Variants in EHMT2 observed in about 807,000 individuals in gnomAD.
The protein encoded by EHMT2 is histone-lysine N-methyltransferase EHMT2.
In EHMT2, 59 loss-of-function variants were observed where a neutral mutation model predicts 143.3. The observed-to-expected ratio is 0.41, with a 90% CI of 0.33 to 0.51. The LOEUF (loss-of-function observed/expected upper bound fraction) is 0.51. Among genes scored for constraint, EHMT2 ranks in the 20% least tolerant of loss-of-function variants. EHMT2 has a pLI of 0.18. For missense variants in EHMT2, 1,174 were observed against 1,645.9 expected, an observed-to-expected ratio of 0.71 and a Z score of 4.96; for synonymous variants, 604 against 651.5, an observed-to-expected ratio of 0.93 and a Z score of 1.11.
At position 31,880,095 on chromosome 6, in the gene EHMT2, C is replaced by T; in HGVS notation, c.3622G>A (p.Val1208Ile). Residue 1208 changes from valine (V) to isoleucine (I), a missense_variant, in exon 28 of 28, where the codon GTC becomes ATC. Around this residue, in one of 6 missense-constraint regions of EHMT2, gnomAD observed 42 missense variants for 45.1 expected, o/e 0.93. Transcript: ENST00000375537. This position sits in a 1 kb window ranked among gnomAD's most constrained non-coding sequence, Gnocchi z 6.6. ...GGTGTGGTCCGTTCTCATGTGTTGACAGGGGGCAGGGAGCCGAGCTCGGGC... is the reference window on the plus strand; with the variant it reads ...GGTGTGGTCCGTTCTCATGTGTTGATAGGGGGCAGGGAGCCGAGCTCGGGC... 6.2e-7 allele frequency: 1 copy of T among 1,612,542 alleles called. No individual in the cohort carries two copies. Among genetic ancestry groups the T allele is most frequent in the Non-Finnish European group, 8.5e-7 (1 of 1,179,914 alleles).
chr6:31,892,608 T>C, intron 6 of EHMT2, 46 bp from the exon 7 acceptor site: 1 of 1,612,436 alleles, frequency 6.2e-7, no homozygotes. Context: ...CCCTGCGCAT[T>C]TCTACTGAGG....
Position 31,883,119 on chromosome 6 carries a change from C to A in EHMT2, c.2995-110G>T, listed in dbSNP as rs1448965660. 2 of 1,051,672 alleles carry A rather than the reference C, an allele frequency of 1.9e-6. No homozygotes were observed. Among genetic ancestry groups the A allele is most frequent in the Admixed American group, 2.0e-5 (1 of 49,182 alleles). 65.1% of individuals were successfully genotyped at this position (1,051,672 alleles called of 1,614,324 possible). A position where few individuals can be genotyped will look rare whatever the true frequency, so the allele number is the denominator to read the frequency against. ...AGGGAAGTTGGGGTTGGGGAGGTCA[C>A]ACAGGCTCTGAGATCCGAGAGCACG... On this transcript the variant is annotated intron_variant, in intron 23 of 27. Coordinates refer to ENST00000375537, the Ensembl canonical transcript of EHMT2. This position sits in a 1 kb window ranked among gnomAD's most constrained non-coding sequence, Gnocchi z 5.6.
rs1471511877 is a variant in EHMT2 at position 31,882,684 on chromosome 6, C to T, written c.3197+15G>A. On this transcript the variant is annotated intron_variant, in intron 25 of 27. Transcript: ENST00000375537. The stretch of plus-strand genomic sequence containing the variant: ...CCCCTTCCCACCAGGTGTTAAGGTG[C>T]TCCCGGTGACTTACTCGCAGATGAA... The T allele has an allele frequency of 9.9e-6, 16 of 1,610,134 alleles. No homozygotes were observed. Among genetic ancestry groups the T allele is most frequent in the Non-Finnish European group, 1.4e-5 (16 of 1,179,062 alleles).
chr6:31,889,135 A>G lies in EHMT2; in HGVS notation c.1115-65T>C. 6.5e-7 allele frequency: 1 copy of G among 1,540,616 alleles called. No homozygotes were observed. Among genetic ancestry groups the G allele is most frequent in the Non-Finnish European group, 8.8e-7 (1 of 1,131,116 alleles). ...GGTGCCTGGACGCGTGGGTACATGC[A>G]GGTGGACATGCGAGAGCGTGTGTGT... is the stretch of plus-strand genomic sequence containing the variant. On this transcript the variant is annotated intron_variant, in intron 9 of 27. Coordinates refer to ENST00000375537, the Ensembl canonical transcript of EHMT2. The surrounding 1 kb of genome is among the most constrained non-coding windows in gnomAD (Gnocchi z 5.1).
chr6:31,879,998 C>T (rs992828413), exon 28 of EHMT2: 2 of 1,471,044 alleles, frequency 1.4e-6, no homozygotes, highest in Non-Finnish European at 9.3e-7. Context: ...GGCAGCACCC[C>T]CAGGCATGGG....
In EHMT2 at chr6:31,889,351, G is replaced by A. The variant is rs759316536; in HGVS notation, c.1000-9C>T. ...CGGCCACTGGAACCACTCTGGGAAGGGGGAGGAGGAGGAGTTAGGAACCCT... is the reference window on the plus strand; with the variant it reads ...CGGCCACTGGAACCACTCTGGGAAGAGGGAGGAGGAGGAGTTAGGAACCCT... On this transcript the variant is annotated splice_polypyrimidine_tract_variant and intron_variant, in intron 8 of 27. Coordinates refer to ENST00000375537, the Ensembl canonical transcript of EHMT2. This position sits in a 1 kb window ranked among gnomAD's most constrained non-coding sequence, Gnocchi z 5.1. The A allele has an allele frequency of 1.2e-6, 2 of 1,611,446 alleles. No individual in the cohort carries two copies. Among genetic ancestry groups the A allele is most frequent in the African/African-American group, 1.3e-5 (1 of 74,868 alleles).
intron 1 of EHMT2, 187 bp from the exon 2 acceptor site, chr6:31,897,176 C>T (rs1413550092): frequency 7.6e-6 from 10 of 1,317,306 alleles, no homozygotes; most frequent in Non-Finnish European, 8.8e-6. Flanking sequence ...CCCGCATCAA[C>T]CCCCTCCCTC....
intron 1 of EHMT2, chr6:31,897,249 C>T (rs981115342): frequency 1.9e-6 from 2 of 1,073,658 alleles, no homozygotes; most frequent in African/African-American, 3.3e-5. Context: ...GGCCTCCGCG[C>T]CCCGGCCCCG....
In EHMT2 at chr6:31,892,240, T is replaced by TC. The variant is rs1252728485; in HGVS notation, c.864+166dup. Among the ~76,000 whole-genome samples the TC allele has an allele frequency of 3.3e-5, 5 of 150,970 alleles. 1 individual carries two copies. The East Asian group carries it at 5.8e-4, about 18-fold the overall frequency. Reference sequence around the variant, plus strand: ...CTGGGCGACAGAATGAGATTCCGTCTCCCCCCACAAAAAAAAGGAGTTATA... The same window carrying TC: ...CTGGGCGACAGAATGAGATTCCGTCTCCCCCCCACAAAAAAAAGGAGTTATA... On this transcript the variant is annotated intron_variant, in intron 7 of 27. Coordinates refer to ENST00000375537, the Ensembl canonical transcript of EHMT2.
rs1029839925 is a variant in EHMT2, at chr6:31,881,975, C to T, written c.3197+724G>A. Among the ~76,000 whole-genome samples the T allele has an allele frequency of 2.0e-5, 3 of 151,888 alleles. No individual in the cohort carries two copies. Among genetic ancestry groups the T allele is most frequent in the South Asian group, 2.1e-4 (1 of 4,808 alleles). On this transcript the variant is annotated intron_variant, in intron 25 of 27. Coordinates refer to ENST00000375537, the Ensembl canonical transcript of EHMT2. This position sits in a 1 kb window ranked among gnomAD's most constrained non-coding sequence, Gnocchi z 4.8. ...AAAAAATTAGCCGGGTGTGGTGGTG[C>T]GCACCTGTAATCCCAGCTACTTGGG...
At chr6:31,897,237 G>T in intron 1 of EHMT2, 1 of 1,193,724 alleles carries the variant, frequency 8.4e-7, no homozygotes, top group East Asian at 3.2e-5. Context: ...GGGAGGGGGC[G>T]GGGCCTCCGC....
At position 31,886,758 on chromosome 6, in the gene EHMT2, G is replaced by A; in HGVS notation, c.2241+17C>T. 1 of 1,614,140 alleles carries A rather than the reference G, an allele frequency of 6.2e-7. No individual in the cohort carries two copies. The highest frequency in any genetic ancestry group is 8.5e-7 in the Non-Finnish European group (1 of 1,179,990). On this transcript the variant is annotated intron_variant, in intron 17 of 27. Transcript: ENST00000375537. ...TCCCTGACTCCGGGGGCCACGCCCTGCTGCCTGCGCGCACACCTTGCTATA... is the reference window on the plus strand; with the variant it reads ...TCCCTGACTCCGGGGGCCACGCCCTACTGCCTGCGCGCACACCTTGCTATA...
Position 31,883,543 on chromosome 6 carries a change from A to T in EHMT2, c.2917-104T>A. On this transcript the variant is annotated intron_variant, in intron 22 of 27. Coordinates refer to ENST00000375537, the Ensembl canonical transcript of EHMT2. The surrounding 1 kb of genome is among the most constrained non-coding windows in gnomAD (Gnocchi z 5.6). The stretch of plus-strand genomic sequence containing the variant: ...AACCACTGTCCTTTCTTTGGGGTCC[A>T]TGTGTTACAACAGTGGGTGGTGATG... The T allele has an allele frequency of 8.1e-7, 1 of 1,239,364 alleles. No individual in the cohort carries two copies. 76.8% of individuals were successfully genotyped at this position (1,239,364 alleles called of 1,614,324 possible). A position where few individuals can be genotyped will look rare whatever the true frequency, so the allele number is the denominator to read the frequency against.
intron 1 of EHMT2, chr6:31,897,207 G>A: frequency 1.6e-6 from 2 of 1,250,238 alleles, no homozygotes; most frequent in African/African-American, 1.6e-5. Flanking sequence ...CCGCATCTCT[G>A]GGGCCGAGAG....
chr6:31,883,797 C>G lies in EHMT2; in HGVS notation c.2916+9G>C. On this transcript the variant is annotated intron_variant, in intron 22 of 27. Transcript: ENST00000375537. The surrounding 1 kb of genome is among the most constrained non-coding windows in gnomAD (Gnocchi z 5.6). The stretch of plus-strand genomic sequence containing the variant: ...GTCCTTTTGGGGAGGCCCCGGGCCC[C>G]CTACTCACCTGCAGGTGGGTGATGT... 6.2e-7 allele frequency: 1 copy of G among 1,613,172 alleles called. No homozygotes were observed. The highest frequency in any genetic ancestry group is 8.5e-7 in the Non-Finnish European group (1 of 1,179,598).
Position 31,886,981 on chromosome 6 carries a change from G to A in EHMT2, c.2118+14C>T, listed in dbSNP as rs1269102793. 8 of 1,613,922 alleles carry A rather than the reference G, an allele frequency of 5.0e-6. No individual in the cohort carries two copies. The highest frequency in any genetic ancestry group is 6.8e-6 in the Non-Finnish European group (8 of 1,179,988). On this transcript the variant is annotated intron_variant, in intron 16 of 27. Coordinates refer to ENST00000375537, the Ensembl canonical transcript of EHMT2. ...GGCCTGGTGAATGAGGCATGGGGCC[G>A]GGCCCGTGCTGACCTGCAGCAGCAC...
At position 31,889,667 on chromosome 6, in the gene EHMT2, A is replaced by C; in HGVS notation, c.865-65T>G. ...CTCAGACAATGAGGTGAGTAAAGAA[A>C]ACCACCACCACCATTGCCCCCCGCC... On this transcript the variant is annotated intron_variant, in intron 7 of 27. Transcript: ENST00000375537. This position sits in a 1 kb window ranked among gnomAD's most constrained non-coding sequence, Gnocchi z 5.1. The C allele has an allele frequency of 6.3e-7, 1 of 1,594,910 alleles. No individual in the cohort carries two copies. The highest frequency in any genetic ancestry group is 1.3e-5 in the African/African-American group (1 of 74,778).
Position 31,888,214 on chromosome 6 carries a change from C to A in EHMT2, c.1572G>T (p.Val524=). 6.2e-7 allele frequency: 1 copy of A among 1,613,008 alleles called. No homozygotes were observed. Among genetic ancestry groups the A allele is most frequent in the Non-Finnish European group, 8.5e-7 (1 of 1,179,998 alleles). Residue 524 remains valine, a synonymous_variant, in exon 13 of 28, where the codon GTG becomes GTT. Transcript: ENST00000375537. The surrounding 1 kb of genome is among the most constrained non-coding windows in gnomAD (Gnocchi z 7.4). ...AGAAGACCATCCCATTCAGCTGAGA[C>A]ACACAGGCCTTGTGGAAGCGGTGGG...
chr6:31,884,852 C>G lies in EHMT2; in HGVS notation c.2449-53G>C, dbSNP rs944399230. Reference sequence around the variant, plus strand: ...GGTGCAGGCAGCTGGGCCCTTGAATCCAGCCTCCACCTTGCTCAGGGGCCT... The same window carrying G: ...GGTGCAGGCAGCTGGGCCCTTGAATGCAGCCTCCACCTTGCTCAGGGGCCT... On this transcript the variant is annotated intron_variant, in intron 19 of 27. Transcript: ENST00000375537. This position sits in a 1 kb window ranked among gnomAD's most constrained non-coding sequence, Gnocchi z 7.3. 2.5e-6 allele frequency: 4 copies of G among 1,578,042 alleles called. No homozygotes were observed. The highest frequency in any genetic ancestry group is 2.6e-6 in the Non-Finnish European group (3 of 1,156,018).
Sources: allele counts gnomAD v4.1 joint callset (sites outside exome capture counted in the v4.1 genomes callset), GRCh38; gene constraint gnomAD v4.1.1; regional missense constraint gnomAD v4.1.1; non-coding constraint Gnocchi (gnomAD v3.1); transcripts MANE v1.5; gene names NCBI Gene and HGNC (gene_info 2026-07-23, HGNC 2026-07-21).